ELAVL2: variants seen among roughly 807,000 people sequenced by gnomAD.
ELAVL2 encodes the protein ELAV-like protein 2.
Under a neutral mutation model 34.6 loss-of-function variants are expected in ELAVL2, and 4 were observed. That is an observed-to-expected ratio of 0.12 (90% CI 0.06 to 0.26). The LOEUF (loss-of-function observed/expected upper bound fraction) is 0.26. Ranked by LOEUF, ELAVL2 falls within the 10% of genes least tolerant of loss-of-function variation. The pLI, the probability that ELAVL2 is intolerant of heterozygous loss-of-function variation, is 1.00. For synonymous variants in ELAVL2, 193 were observed against 154.8 expected, an observed-to-expected ratio of 1.25 and a Z score of -1.83; for missense variants, 432 against 442.8, an observed-to-expected ratio of 0.98 and a Z score of 0.22.
intron 2 of ELAVL2, among the ~76,000 whole-genome samples, chr9:23,755,750 C>A (rs535726467): frequency 3.9e-4 from 59 of 152,244 alleles, no homozygotes; most frequent in African/African-American, 1.4e-3. Context: ...CACACACAAC[C>A]TTTCTGCCAT....
At chr9:23,740,783 G>T (rs749069341) in intron 2 of ELAVL2, among the ~76,000 whole-genome samples, 7 of 152,142 alleles carry the variant, frequency 4.6e-5, no homozygotes, top group Non-Finnish European at 7.3e-5. Context: ...CATTTAAAAT[G>T]GGCCTTGATT....
At chr9:23,813,009 C>T (rs909842019) in intron 1 of ELAVL2, among the ~76,000 whole-genome samples, 1 of 152,078 alleles carries the variant, frequency 6.6e-6, no homozygotes, top group African/African-American at 2.4e-5. Context: ...CAAAAGTTAA[C>T]TAGAAATGTA....
the ELAVL2 span, among the ~76,000 whole-genome samples, chr9:23,844,625 T>C: frequency 6.6e-6 from 1 of 151,998 alleles, no homozygotes; most frequent in South Asian, 2.1e-4. Flanking sequence ...AGTTAATTAT[T>C]TTTACTGAAA....
intron 1 of ELAVL2, among the ~76,000 whole-genome samples, chr9:23,812,679 T>C (rs989116057): frequency 6.6e-6 from 1 of 151,362 alleles, no homozygotes; most frequent in Non-Finnish European, 1.5e-5. Flanking sequence ...AATGATTTTT[T>C]AAAATCATAC....
chr9:23,692,962 C>A (rs2033701346), intron 6 of ELAVL2, 78 bp from the exon 7 acceptor site: 1 of 1,313,942 alleles, frequency 7.6e-7, no homozygotes, highest in Non-Finnish European at 1.0e-6. Flanking sequence ...GAACGTATAC[C>A]TTTTCCATCC....
At chr9:23,725,657 G>A (rs753084585) in intron 3 of ELAVL2, among the ~76,000 whole-genome samples, 1 of 152,056 alleles carries the variant, frequency 6.6e-6, no homozygotes. Flanking sequence ...TAATCCTGTC[G>A]CAAAAGGAGG....
At chr9:23,824,424 G>A (rs547771795) in intron 1 of ELAVL2, among the ~76,000 whole-genome samples, 75 of 152,282 alleles carry the variant, frequency 4.9e-4, no homozygotes, top group African/African-American at 1.7e-3. Context: ...GTCCAGTCCG[G>A]GAGGCTGACG....
intron 3 of ELAVL2, among the ~76,000 whole-genome samples, chr9:23,712,714 G>C (rs868436416): frequency 2.6e-5 from 4 of 152,066 alleles, no homozygotes; most frequent in Non-Finnish European, 5.9e-5. Context: ...TTTACACTAG[G>C]GGAGATTCTC....
intron 1 of ELAVL2, among the ~76,000 whole-genome samples, chr9:23,768,840 T>C (rs1003152084): frequency 5.9e-5 from 9 of 152,124 alleles, no homozygotes; most frequent in Admixed American, 2.0e-4. Flanking sequence ...AAACAGATCT[T>C]GAAGAAGGCA....
At chr9:23,797,869 G>C (rs920510423) in intron 1 of ELAVL2, among the ~76,000 whole-genome samples, 2 of 152,010 alleles carry the variant, frequency 1.3e-5, no homozygotes, top group Non-Finnish European at 2.9e-5. Context: ...CGGAGGTTGC[G>C]GTAAGCTGAA....
intron 1 of ELAVL2, among the ~76,000 whole-genome samples, chr9:23,797,734 T>C (rs895231122): frequency 6.6e-6 from 1 of 151,952 alleles, no homozygotes; most frequent in Non-Finnish European, 1.5e-5. Flanking sequence ...TTGAGACCAA[T>C]CTGACCAACA....
chr9:23,823,827 T>G (rs1363469078), intron 1 of ELAVL2, among the ~76,000 whole-genome samples: 1 of 152,248 alleles, frequency 6.6e-6, no homozygotes. Flanking sequence ...TACTATTGTC[T>G]GCTGTGTACT....
chr9:23,753,672 C>G (rs935192656), intron 2 of ELAVL2, among the ~76,000 whole-genome samples: 2 of 152,136 alleles, frequency 1.3e-5, no homozygotes, highest in Non-Finnish European at 2.9e-5. Context: ...AGTTCACCAT[C>G]TTCCTCATCG....
At chr9:23,818,864 T>C (rs960297040) in intron 1 of ELAVL2, among the ~76,000 whole-genome samples, 4 of 152,158 alleles carry the variant, frequency 2.6e-5, no homozygotes, top group African/African-American at 7.2e-5. Flanking sequence ...TCTAGTCCTT[T>C]GGGGAAAAAG....
upstream of ELAVL2, among the ~76,000 whole-genome samples, chr9:23,828,935 A>G (rs1283737259): frequency 3.9e-5 from 6 of 152,252 alleles, no homozygotes; most frequent in Non-Finnish European, 8.8e-5. Flanking sequence ...TGAAACATTA[A>G]CAAATACATA....
intron 1 of ELAVL2, among the ~76,000 whole-genome samples, chr9:23,767,295 A>G (rs917041280): frequency 2.0e-5 from 3 of 152,226 alleles, no homozygotes; most frequent in East Asian, 1.9e-4. Flanking sequence ...TAAATGCTTT[A>G]TATCTCATAT....
intron 1 of ELAVL2, among the ~76,000 whole-genome samples, chr9:23,803,223 A>C (rs1307108798): frequency 1.3e-5 from 2 of 152,236 alleles, no homozygotes; most frequent in Non-Finnish European, 2.9e-5. Flanking sequence ...AACGTGAATC[A>C]TCTCAACTGC....
intron 5 of ELAVL2, among the ~76,000 whole-genome samples, chr9:23,698,641 G>C (rs1452522191): frequency 1.3e-5 from 2 of 151,960 alleles, no homozygotes; most frequent in African/African-American, 2.4e-5. Context: ...CAAATATCAG[G>C]GACAAAATAT....
In ELAVL2 at chr9:23,824,111, C is replaced by A. The variant is rs913531434; in HGVS notation, c.-16+1695G>T. On this transcript the variant is annotated intron_variant, in intron 1 of 6. Transcript: ENST00000397312. ...GTAAATACTAAATGGTTGGCTATTT[C>A]TCTCACCCTCGCCATAATAAAACCA... 2.6e-5 allele frequency among the ~76,000 whole-genome samples: 4 copies of A among 152,130 alleles called. No individual in the cohort carries two copies. In the East Asian group the frequency reaches 5.8e-4, roughly 22 times the overall value.
Sources: gnomAD v4.1 joint callset for allele counts (sites outside exome capture counted in the v4.1 genomes callset) on GRCh38, gnomAD v4.1.1 for gene constraint, MANE v1.5 for transcripts, NCBI Gene and HGNC (gene_info 2026-07-23, HGNC 2026-07-21) for gene names.